The following CDK5RAP3 variants were observed in gnomAD, a reference collection of about 807,000 sequenced individuals.
The protein encoded by CDK5RAP3 is CDK5 regulatory subunit-associated protein 3.
CDK5RAP3 carries 58 observed loss-of-function variants against 73.3 expected under a neutral mutation model. The ratio of observed to expected loss-of-function variants is 0.79; its 90% CI spans 0.64 to 0.98. The LOEUF is 0.98. CDK5RAP3 is among the 50% of genes least tolerant of loss of function. CDK5RAP3 has a pLI of 0.00. For synonymous variants in CDK5RAP3, 224 were observed against 247.5 expected (o/e 0.91, Z 0.89); for missense variants, 525 against 615.8 (o/e 0.85, Z 1.56).
intron 2 of CDK5RAP3, 122 bp downstream of exon 2, chr17:47,971,529 C>T: frequency 1.1e-6 from 1 of 922,532 alleles, no homozygotes; most frequent in Admixed American, 2.9e-5. Context: ...CCACTGGCCT[C>T]GTTCTATGCC....
intron 10 of CDK5RAP3, chr17:47,978,501 C>G (rs1426247303): frequency 3.4e-6 from 1 of 295,534 alleles, no homozygotes; most frequent in African/African-American, 2.2e-5. Context: ...CCCGCCCCAA[C>G]AGCAGAGAAG....
At position 47,975,648 on chromosome 17, in the gene CDK5RAP3, T is replaced by C. The variant is rs374055919; in HGVS notation, c.648T>C (p.Cys216=). 36 of 1,599,228 alleles carry C rather than the reference T, an allele frequency of 2.3e-5. No homozygotes were observed. The highest frequency in any genetic ancestry group is 1.8e-4 in the Admixed American group (11 of 59,664). ...DVYQASVGFV[C]ESPTEQVLPM... is the part of the protein sequence containing the mutation. ...ACCAGGCGTCTGTGGGGTTTGTGTG[T>C]GAGAGGTAGAGAGGCCTCAGCTTCT... The change falls in exon 7 of 14, where the codon TGT becomes TGC. Residue 216 remains cysteine, a synonymous_variant. Coordinates refer to ENST00000338399, the MANE Select transcript of CDK5RAP3 (RefSeq NM_176096.3).
intron 2 of CDK5RAP3, 148 bp from the exon 3 acceptor site, chr17:47,973,371 T>C: frequency 1.2e-6 from 1 of 829,660 alleles, no homozygotes; most frequent in Non-Finnish European, 1.8e-6. Context: ...TCTTTGGGCT[T>C]GTCTTTATTC....
At position 47,981,671 on chromosome 17, in the gene CDK5RAP3, T is replaced by C. The variant is rs1407561657; in HGVS notation, c.*169T>C. The C allele has an allele frequency of 3.8e-5, 58 of 1,538,046 alleles. No homozygotes were observed. The highest frequency in any genetic ancestry group is 4.8e-5 in the Non-Finnish European group (55 of 1,146,674). On this transcript the variant is annotated 3_prime_UTR_variant, in exon 14 of 14. Transcript: ENST00000338399. ...TGATCTTGGCACTCTCCATGTTCTCTACAAGAAGCTGTGGTGATTGGCCCT... is the reference window on the plus strand; with the variant it reads ...TGATCTTGGCACTCTCCATGTTCTCCACAAGAAGCTGTGGTGATTGGCCCT...
chr17:47,976,336 G>A (rs1185062144), intron 8 of CDK5RAP3: 2 of 381,040 alleles, frequency 5.2e-6, no homozygotes, highest in Non-Finnish European at 9.6e-6. Flanking sequence ...TGAGGCCTGT[G>A]GGAAGGCAGC....
upstream of CDK5RAP3, chr17:47,970,865 C>T: frequency 7.1e-7 from 1 of 1,416,324 alleles, no homozygotes; most frequent in Middle Eastern, 2.5e-4. Context: ...CCCACGGCCG[C>T]TGCAGCGCAC....
chr17:47,971,183 A>T (rs1315489045), intron 1 of CDK5RAP3, 31 bp downstream of exon 1: 1 of 1,539,612 alleles, frequency 6.5e-7, no homozygotes, highest in African/African-American at 1.4e-5. Context: ...TGTGCTGGGG[A>T]CTGGCCGCGG....
chr17:47,978,755 G>A, intron 10 of CDK5RAP3, 74 bp from the exon 11 acceptor site: 1 of 1,130,882 alleles, frequency 8.8e-7, no homozygotes, highest in African/African-American at 1.5e-5. Flanking sequence ...ATCCTCCAGG[G>A]CTTCTCACAC....
chr17:47,969,552 G>C (rs530502793), upstream of CDK5RAP3, among the ~76,000 whole-genome samples: 2 of 72,382 alleles, frequency 2.8e-5, no homozygotes, highest in South Asian at 5.8e-4. Flanking sequence ...GCGTGACTCC[G>C]TCTCAAAAAA....
upstream of CDK5RAP3, chr17:47,970,641 G>A: frequency 6.5e-7 from 1 of 1,535,190 alleles, no homozygotes; most frequent in Non-Finnish European, 8.7e-7. Context: ...TAGAGAAACT[G>A]AATGAGGAGG....
rs535260822 is a variant in CDK5RAP3 at position 47,979,165 on chromosome 17, C to T, written c.1077+248C>T. 12 of 459,230 alleles carry T rather than the reference C, an allele frequency of 2.6e-5. No homozygotes were observed. In the East Asian group the frequency reaches 4.0e-4, roughly 15 times the overall value. The allele number at this position is 459,230 out of a possible 1,614,324, so 28.4% of individuals were successfully genotyped here. A position where few individuals can be genotyped will look rare whatever the true frequency, so the allele number is the denominator to read the frequency against. ...GAATAAGACAGTCAAAGTCCTTGAC[C>T]TCATGGAGCTTATATTCTAATGGGG... On this transcript the variant is annotated intron_variant, in intron 11 of 13. Transcript: ENST00000338399.
Position 47,976,703 on chromosome 17 carries a change from C to T in CDK5RAP3, c.799-9C>T. 6.3e-7 allele frequency: 1 copy of T among 1,588,152 alleles called. No homozygotes were observed. The highest frequency in any genetic ancestry group is 8.6e-7 in the Non-Finnish European group (1 of 1,157,952). On this transcript the variant is annotated splice_polypyrimidine_tract_variant and intron_variant, in intron 8 of 13. Transcript: ENST00000338399. ...CTTCCATGAGCTAACACTCTCTTTC[C>T]CTTTCCAGATTGACTGGGGCGACTT...
At chr17:47,980,843 C>T in intron 12 of CDK5RAP3, 45 bp downstream of exon 12, 1 of 1,577,038 alleles carries the variant, frequency 6.3e-7, no homozygotes, top group Non-Finnish European at 8.7e-7. Context: ...TTGAGCAGCT[C>T]TGCCTCCTTG....
In CDK5RAP3 at chr17:47,980,622, G is replaced by T. The variant is rs1355423694; in HGVS notation, c.1107G>T (p.Val369=). 1 of 1,613,370 alleles carries T rather than the reference G, an allele frequency of 6.2e-7. No individual in the cohort carries two copies. Among genetic ancestry groups the T allele is most frequent in the Non-Finnish European group, 8.5e-7 (1 of 1,180,030 alleles). Residue 369 remains valine (V), a synonymous_variant, in exon 12 of 14, where the codon GTG becomes GTT. Transcript: ENST00000338399. ...ELEIFLAQRA[V]ELSEEADVLS... is the part of the protein sequence containing the mutation. ...AGATCTTCTTAGCCCAGAGAGCAGT[G>T]GAGTTGAGTGAGGAGGCAGATGTCC...
chr17:47,969,462 C>T (rs2144203140), upstream of CDK5RAP3, among the ~76,000 whole-genome samples: 1 of 143,668 alleles, frequency 7.0e-6, no homozygotes, highest in East Asian at 2.1e-4. Context: ...GAGGCTGAGG[C>T]AGGAGAATGG....
intron 6 of CDK5RAP3, 73 bp downstream of exon 6, chr17:47,975,410 CCCCTCAGCCTGGT>C (rs1380556961): frequency 6.5e-5 from 105 of 1,603,926 alleles, no homozygotes; most frequent in Admixed American, 5.3e-4. Flanking sequence ...CCCCGTCTGA[CCCCTCAGCCTGGT>C]TGCACCCCCT....
chr17:47,974,908 A>C, intron 5 of CDK5RAP3: 2 of 1,385,652 alleles, frequency 1.4e-6, no homozygotes, highest in Non-Finnish European at 1.9e-6. Flanking sequence ...TACTAAATGC[A>C]AGGAATTGTG....
chr17:47,968,488 G>GGTTTTT (rs1457676859), upstream of CDK5RAP3, among the ~76,000 whole-genome samples: 2 of 150,632 alleles, frequency 1.3e-5, no homozygotes, highest in Non-Finnish European at 3.0e-5. Context: ...ACGCCGGGAT[G>GGTTTTT]GTTTTTGTTT....
Position 47,975,958 on chromosome 17 carries a change from C to G in CDK5RAP3, c.743C>G (p.Ser248Cys), listed in dbSNP as rs377690706. The G allele has an allele frequency of 9.3e-6, 15 of 1,614,062 alleles. No homozygotes were observed. The highest frequency in any genetic ancestry group is 1.1e-5 in the Non-Finnish European group (13 of 1,180,048). ...GAGTGGAGGACAGGGACAGAGCCCT[C>G]TGTGGTGGAACGACCCCACCTCGAG... is the stretch of plus-strand genomic sequence containing the variant. ...VYEWRTGTEP[S>C]VVERPHLEEL... The change falls in exon 8 of 14, where the codon TCT becomes TGT. Residue 248 changes from serine to cysteine, a missense_variant. This residue lies in a region of CDK5RAP3 where 409 missense variants were observed against 429.8 expected (regional missense o/e 0.95). Coordinates refer to ENST00000338399, the MANE Select transcript of CDK5RAP3 (RefSeq NM_176096.3).
Sources: gnomAD v4.1 joint callset for allele counts (sites outside exome capture counted in the v4.1 genomes callset) on GRCh38, gnomAD v4.1.1 for gene constraint, gnomAD v4.1.1 regional missense constraint, MANE v1.5 for transcripts, NCBI Gene and HGNC (gene_info 2026-07-23, HGNC 2026-07-21) for gene names.